Variants in SLC12A5 observed in about 807,000 individuals in gnomAD.
SLC12A5 encodes the protein solute carrier family 12 member 5.
A neutral mutation model predicts 124.0 loss-of-function variants in SLC12A5; 18 were observed. The ratio of observed to expected loss-of-function variants is 0.15; its 90% CI spans 0.10 to 0.22. The LOEUF is 0.22. Among genes scored for constraint, SLC12A5 ranks in the 10% least tolerant of loss-of-function variants. The probability of loss-of-function intolerance (pLI) is 1.00; values close to 1 mark genes in which losing one functional copy is unlikely to be tolerated. For synonymous variants in SLC12A5, 589 were observed against 568.0 expected, an observed-to-expected ratio of 1.04 and a Z score of -0.53; for missense variants, 867 against 1,478.7, an observed-to-expected ratio of 0.59 and a Z score of 6.78.
chr20:46,028,133 G>A (rs547485537), upstream of SLC12A5, among the ~76,000 whole-genome samples: 5 of 152,318 alleles, frequency 3.3e-5, no homozygotes, highest in South Asian at 8.3e-4. Flanking sequence ...AAGCTTCTGG[G>A]GGATTGGCCT....
rs949415952 is a variant in SLC12A5 at position 46,059,580 on chromosome 20, T to C, written c.*1975T>C. 24 of 399,054 alleles carry C rather than the reference T, an allele frequency of 6.0e-5. No individual in the cohort carries two copies. The highest frequency in any genetic ancestry group is 4.9e-4 in the African/African-American group (24 of 48,740). The allele number at this position is 399,054 out of a possible 1,614,324, so 24.7% of individuals were successfully genotyped here. ...ATCAACATCAATTAGGGAACCAAAGTTGCACTATCTGGGCCCAGATTGTCT... is the reference window on the plus strand; with the variant it reads ...ATCAACATCAATTAGGGAACCAAAGCTGCACTATCTGGGCCCAGATTGTCT... On this transcript the variant is annotated 3_prime_UTR_variant, in exon 26 of 26. Coordinates refer to ENST00000243964, the MANE Select transcript of SLC12A5 (RefSeq NM_020708.5).
At chr20:46,030,397 T>C (rs909501852) in intron 1 of SLC12A5, among the ~76,000 whole-genome samples, 3 of 152,100 alleles carry the variant, frequency 2.0e-5, no homozygotes, top group Non-Finnish European at 4.4e-5. Flanking sequence ...GCTCCCGCTC[T>C]CCCCCGCCCT....
chr20:46,022,943 G>GGGAGGAGGTGGAGGA, exon 2 of SLC12A5: 1 of 347,060 alleles, frequency 2.9e-6, no homozygotes, highest in Non-Finnish European at 4.9e-6. Context: ...CCCCAGCGAG[G>GGGAGGAGGTGGAGGA]GGAGGAGGAG....
chr20:46,054,853 A>G (rs1375564144), intron 20 of SLC12A5, 63 bp from the exon 21 acceptor site: 1 of 1,228,764 alleles, frequency 8.1e-7, no homozygotes, highest in African/African-American at 1.5e-5. Flanking sequence ...CTGGGCTCAG[A>G]CCTCATGCTT....
In SLC12A5 at chr20:46,057,029, G is replaced by C; in HGVS notation, c.3125+118G>C. 3.8e-6 allele frequency: 6 copies of C among 1,589,284 alleles called. No individual in the cohort carries two copies. The highest frequency in any genetic ancestry group is 4.3e-6 in the Non-Finnish European group (5 of 1,159,284). ...ACCTCTGGGATCTCTGAATAGCCTA[G>C]CCTGGAGATGTTTAGGATTGGTGGT... On this transcript the variant is annotated intron_variant, in intron 24 of 25. Coordinates refer to ENST00000243964, the MANE Select transcript of SLC12A5 (RefSeq NM_020708.5). This position sits in a 1 kb window ranked among gnomAD's most constrained non-coding sequence, Gnocchi z 7.1.
chr20:46,029,064 C>G (rs1255232391), upstream of SLC12A5: 2 of 1,215,398 alleles, frequency 1.6e-6, no homozygotes, highest in Admixed American at 7.8e-5. Flanking sequence ...ATCTTCTCTT[C>G]TCTCTCCCTC....
Position 46,054,924 on chromosome 20 carries a change from C to G in SLC12A5, c.2688C>G (p.Ser896Arg). ...CCTCTGTCTGCCCACAGCATGAGAG[C>G]GACATCTCAGCTTACACCTATGAGA... ...AEVEVVEMHE[S>R]DISAYTYEKT... is the part of the protein sequence containing the mutation. The change falls in exon 21 of 26, where the codon AGC becomes AGG. Residue 896 changes from serine (S) to arginine (R), a missense_variant. Physicochemically the swap from Ser to Arg is moderately radical, Grantham distance 110. Around this residue, in one of 9 missense-constraint regions of SLC12A5, gnomAD observed 70 missense variants for 157.2 expected, o/e 0.45. Transcript: ENST00000243964. The G allele has an allele frequency of 6.2e-7, 1 of 1,613,408 alleles. No homozygotes were observed. The highest frequency in any genetic ancestry group is 8.5e-7 in the Non-Finnish European group (1 of 1,179,538).
At chr20:46,044,850 T>C in intron 11 of SLC12A5, 116 bp from the exon 12 acceptor site, 2 of 1,151,972 alleles carry the variant, frequency 1.7e-6, no homozygotes, top group Non-Finnish European at 2.6e-6. Flanking sequence ...CCTGTCACCC[T>C]TACAGAACTT....
chr20:46,055,254 A>T (rs551248727), intron 21 of SLC12A5, among the ~76,000 whole-genome samples: 10 of 152,314 alleles, frequency 6.6e-5, no homozygotes, highest in Admixed American at 2.0e-4. Context: ...TGGGTGACAG[A>T]TCTTCTCCTC....
chr20:46,057,989 C>T lies in SLC12A5; in HGVS notation c.*384C>T, dbSNP rs934424840. 5.3e-6 allele frequency: 1 copy of T among 187,956 alleles called. No individual in the cohort carries two copies. Among genetic ancestry groups the T allele is most frequent in the Non-Finnish European group, 1.1e-5 (1 of 92,944 alleles). 11.6% of individuals were successfully genotyped at this position (187,956 alleles called of 1,614,324 possible). On this transcript the variant is annotated 3_prime_UTR_variant, in exon 26 of 26. Transcript: ENST00000243964. This position sits in a 1 kb window ranked among gnomAD's most constrained non-coding sequence, Gnocchi z 7.1. ...CCCTTCCCACTCCCGCCGCGGTCCT[C>T]GCTCTGCGCTCCTCCGGCGCTGCTC...
intron 4 of SLC12A5, chr20:46,036,325 G>A (rs374694888): frequency 8.1e-5 from 19 of 233,334 alleles, no homozygotes; most frequent in Admixed American, 2.0e-4. Flanking sequence ...TCAAATATTC[G>A]CCAAACACCT....
chr20:46,056,802 G>A lies in SLC12A5; in HGVS notation c.3111-95G>A, dbSNP rs2084700198. The A allele has an allele frequency of 5.1e-6, 7 of 1,376,186 alleles. No homozygotes were observed. Among genetic ancestry groups the A allele is most frequent in the Non-Finnish European group, 7.2e-6 (7 of 967,726 alleles). 85.2% of individuals were successfully genotyped at this position (1,376,186 alleles called of 1,614,324 possible). A position where few individuals can be genotyped will look rare whatever the true frequency, so the allele number is the denominator to read the frequency against. On this transcript the variant is annotated intron_variant, in intron 23 of 25. Transcript: ENST00000243964. This position sits in a 1 kb window ranked among gnomAD's most constrained non-coding sequence, Gnocchi z 4.3. Reference sequence around the variant, plus strand: ...GTGGGGGCTGGCAGAGCAGGACTCAGGGCAGATGACCATGGCCCAAGCCCC... The same window carrying A: ...GTGGGGGCTGGCAGAGCAGGACTCAAGGCAGATGACCATGGCCCAAGCCCC...
chr20:46,033,345 T>C (rs918145355), intron 1 of SLC12A5, among the ~76,000 whole-genome samples: 2 of 152,074 alleles, frequency 1.3e-5, no homozygotes, highest in Non-Finnish European at 2.9e-5. Flanking sequence ...TCCAGAGAGA[T>C]GTCAACTGCT....
intron 2 of SLC12A5, 52 bp downstream of exon 2, chr20:46,035,094 A>G: frequency 1.9e-6 from 3 of 1,566,296 alleles, no homozygotes; most frequent in Non-Finnish European, 2.6e-6. Flanking sequence ...ATCCTGATTC[A>G]TCAGCTGCTC....
Position 46,049,861 on chromosome 20 carries a change from A to G in SLC12A5, c.2181+71A>G. 1.4e-6 allele frequency: 2 copies of G among 1,450,740 alleles called. 1 individual carries two copies. Among genetic ancestry groups the G allele is most frequent in the South Asian group, 2.9e-5 (2 of 69,186 alleles). 89.9% of individuals were successfully genotyped at this position (1,450,740 alleles called of 1,614,324 possible). A position where few individuals can be genotyped will look rare whatever the true frequency, so the allele number is the denominator to read the frequency against. ...AGGAAGACAGTCTCTATCCTTTTGTACTTTCCTTCCTCATCACCTTCAGGA... is the reference window on the plus strand; with the variant it reads ...AGGAAGACAGTCTCTATCCTTTTGTGCTTTCCTTCCTCATCACCTTCAGGA... On this transcript the variant is annotated intron_variant, in intron 17 of 25. Transcript: ENST00000243964.
upstream of SLC12A5, chr20:46,029,126 T>C (rs1388633470): frequency 7.6e-7 from 1 of 1,309,884 alleles, no homozygotes; most frequent in Non-Finnish European, 9.8e-7. Flanking sequence ...GCATACGGGA[T>C]GAGGTGAGCA....
rs374813251 is a variant in SLC12A5 at position 46,053,631 on chromosome 20, T to C, written c.2601T>C (p.Asn867=). 6.2e-6 allele frequency: 10 copies of C among 1,613,772 alleles called. No individual in the cohort carries two copies. In the African/African-American group the frequency reaches 1.1e-4, roughly 17 times the overall value. The change falls in exon 20 of 26, where the codon AAT becomes AAC. Residue 867 remains asparagine (N), a synonymous_variant. Coordinates refer to ENST00000243964, the MANE Select transcript of SLC12A5 (RefSeq NM_020708.5). The surrounding 1 kb of genome is among the most constrained non-coding windows in gnomAD (Gnocchi z 4.7). ...TCACTGTGGCCCAGATGGATGACAA[T>C]AGCATCCAGATGAAGAAGGATCTGA... The part of the protein sequence containing the change: ...RIFTVAQMDD[N]SIQMKKDLTT...
Position 46,058,968 on chromosome 20 carries a change from AGCGCCTGTCT to A in SLC12A5, c.*1366_*1375del, listed in dbSNP as rs1194786799. On this transcript the variant is annotated 3_prime_UTR_variant, in exon 26 of 26. Coordinates refer to ENST00000243964, the MANE Select transcript of SLC12A5 (RefSeq NM_020708.5). This position sits in a 1 kb window ranked among gnomAD's most constrained non-coding sequence, Gnocchi z 5.8. The stretch of plus-strand genomic sequence containing the variant: ...CTGGAGTCGCACGCGCTTTGTCCTT[AGCGCCTGTCT>A]GCTCTCCTCTAACTAGGACCCAGGG... 9 of 378,844 alleles carry A rather than the reference AGCGCCTGTCT, an allele frequency of 2.4e-5. No individual in the cohort carries two copies. Among genetic ancestry groups the A allele is most frequent in the Non-Finnish European group, 4.2e-5 (9 of 214,322 alleles). 23.5% of individuals were successfully genotyped at this position (378,844 alleles called of 1,614,324 possible).
At position 46,040,448 on chromosome 20, in the gene SLC12A5, A is replaced by G. The variant is rs2145487913; in HGVS notation, c.688A>G (p.Met230Val). 3.1e-6 allele frequency: 5 copies of G among 1,614,262 alleles called. No individual in the cohort carries two copies. The highest frequency in any genetic ancestry group is 4.2e-6 in the Non-Finnish European group (5 of 1,180,046). The part of the protein sequence containing the change: ...SGEAAAMLNN[M>V]RVYGTCVLTC... Reference sequence around the variant, plus strand: ...GGAGGCAGCAGCCATGCTGAACAACATGCGTGTTTACGGCACCTGTGTGCT... The same window carrying G: ...GGAGGCAGCAGCCATGCTGAACAACGTGCGTGTTTACGGCACCTGTGTGCT... Residue 230 changes from methionine (M) to valine (V), a missense_variant, in exon 7 of 26, where the codon ATG becomes GTG. By Grantham distance (21) the Met-to-Val change is conservative (BLOSUM62 1). Coordinates refer to ENST00000243964, the MANE Select transcript of SLC12A5 (RefSeq NM_020708.5).
Sources: gnomAD v4.1 joint callset for allele counts (sites outside exome capture counted in the v4.1 genomes callset) on GRCh38, gnomAD v4.1.1 for gene constraint, gnomAD v4.1.1 regional missense constraint, Gnocchi (gnomAD v3.1) non-coding constraint, MANE v1.5 for transcripts, NCBI Gene and HGNC (gene_info 2026-07-23, HGNC 2026-07-21) for gene names.